Variants in TWIST2 observed in about 807,000 individuals in gnomAD.
TWIST2 encodes the protein twist family bHLH transcription factor 2, also known as twist-related protein 2.
A neutral mutation model predicts 11.6 loss-of-function variants in TWIST2; 1 was observed. The observed-to-expected ratio is 0.09, with a 90% CI of 0.03 to 0.41. The LOEUF (loss-of-function observed/expected upper bound fraction) is 0.41, where lower values mean the gene tolerates loss of function less well. TWIST2 is among the 10% of genes least tolerant of loss of function. TWIST2 has a pLI of 0.98. For missense variants in TWIST2, 168 were observed against 226.4 expected (o/e 0.74, Z 1.66); for synonymous variants, 87 against 96.6 (o/e 0.90, Z 0.58).
At chr2:238,886,575 G>A (rs1329831718) in intron 1 of TWIST2, among the ~76,000 whole-genome samples, 2 of 151,670 alleles carry the variant, frequency 1.3e-5, no homozygotes, top group Non-Finnish European at 2.9e-5. Context: ...CTGGGCTATT[G>A]TCTGGAGCCC....
intron 1 of TWIST2, among the ~76,000 whole-genome samples, chr2:238,896,340 T>C (rs1249674319): frequency 2.0e-5 from 3 of 152,336 alleles, no homozygotes; most frequent in South Asian, 4.1e-4. Flanking sequence ...AACAGGCCAC[T>C]GTCCCCAGGG....
intron 1 of TWIST2, among the ~76,000 whole-genome samples, chr2:238,852,136 A>T (rs902808960): frequency 1.3e-5 from 2 of 152,252 alleles, no homozygotes; most frequent in South Asian, 2.1e-4. Context: ...AAAAAAATTT[A>T]AAAAAAGAAA....
intron 1 of TWIST2, among the ~76,000 whole-genome samples, chr2:238,870,198 ACACAAAC>A (rs1692631960): frequency 1.7e-5 from 1 of 58,712 alleles, no homozygotes; most frequent in Admixed American, 1.9e-4. Context: ...CACATACCAC[ACACAAAC>A]CACACACCCC....
At chr2:238,872,133 G>A (rs1330127347) in intron 1 of TWIST2, among the ~76,000 whole-genome samples, 1 of 152,166 alleles carries the variant, frequency 6.6e-6, no homozygotes, top group African/African-American at 2.4e-5. Context: ...TGGGCTGGGG[G>A]GGTCCCACAG....
At chr2:238,900,843 C>T (rs967404684) in intron 1 of TWIST2, among the ~76,000 whole-genome samples, 5,304 of 152,190 alleles carry the variant, frequency 0.035, 134 homozygotes, top group Non-Finnish European at 0.053. Context: ...TGCCCCTCCT[C>T]TTGTTTTCCT....
intron 1 of TWIST2, among the ~76,000 whole-genome samples, chr2:238,870,581 A>ATG (rs1194820632): frequency 1.3e-5 from 1 of 74,828 alleles, no homozygotes; most frequent in Non-Finnish European, 2.7e-5. Flanking sequence ...CACACCACAC[A>ATG]CACACACCAC....
At chr2:238,897,752 C>T (rs934498570) in intron 1 of TWIST2, among the ~76,000 whole-genome samples, 89 of 152,338 alleles carry the variant, frequency 5.8e-4, no homozygotes, top group South Asian at 4.1e-3. Context: ...GTGGAGGTGG[C>T]CAGCTTCATG....
chr2:238,904,293 G>A (rs1023111470), intron 1 of TWIST2, among the ~76,000 whole-genome samples: 21 of 144,950 alleles, frequency 1.4e-4, no homozygotes, highest in Non-Finnish European at 2.9e-4. Context: ...GTGTGTGTGT[G>A]ATGGGGGTGT....
rs1220543398 is a variant in TWIST2 at position 238,904,981 on chromosome 2, G to GA, written c.*36-4854dup. 6.3e-4 allele frequency among the ~76,000 whole-genome samples: 95 copies of GA among 151,258 alleles called. 1 individual carries two copies. Among genetic ancestry groups the GA allele is most frequent in the Non-Finnish European group, 2.7e-4 (18 of 67,772 alleles). On this transcript the variant is annotated intron_variant, in intron 1 of 1. Transcript: ENST00000612363. ...TGGATGGAAGGAAGGAAGAGAGAAA[G>GA]AAAAAAAGAAGAAAGAAAGAAAAGA... is the stretch of plus-strand genomic sequence containing the variant.
intron 1 of TWIST2, among the ~76,000 whole-genome samples, chr2:238,900,324 T>C (rs879087912): frequency 0.36 from 54,538 of 152,020 alleles, 9,970 homozygotes; most frequent in Middle Eastern, 0.5. Flanking sequence ...TTGGGGTGAC[T>C]GGGGACCCAC....
intron 1 of TWIST2, among the ~76,000 whole-genome samples, chr2:238,885,736 G>A (rs1054148513): frequency 6.6e-6 from 1 of 152,054 alleles, no homozygotes; most frequent in Non-Finnish European, 1.5e-5. Context: ...AGAACCAATG[G>A]GTTTTATACA....
At chr2:238,908,481 C>G (rs1343741217) in intron 1 of TWIST2, among the ~76,000 whole-genome samples, 1 of 152,028 alleles carries the variant, frequency 6.6e-6, no homozygotes, top group Non-Finnish European at 1.5e-5. Flanking sequence ...ACACTACACA[C>G]TATATACCAC....
chr2:238,854,312 C>T (rs2106349016), intron 1 of TWIST2, among the ~76,000 whole-genome samples: 1 of 152,322 alleles, frequency 6.6e-6, no homozygotes, highest in African/African-American at 2.4e-5. Context: ...GCATTAGAGT[C>T]CTAATTCTCA....
chr2:238,894,474 C>T (rs1693184092), intron 1 of TWIST2, among the ~76,000 whole-genome samples: 1 of 152,208 alleles, frequency 6.6e-6, no homozygotes, highest in Non-Finnish European at 1.5e-5. Context: ...TCCATGTGGT[C>T]CTGGCCTCCC....
intron 1 of TWIST2, among the ~76,000 whole-genome samples, chr2:238,869,116 C>T (rs148870440): frequency 0.038 from 5,854 of 152,266 alleles, 135 homozygotes; most frequent in South Asian, 0.083. Flanking sequence ...AGAAAGGCAT[C>T]GACTCCTGCA....
At chr2:238,870,379 ACACC>A (rs1397632920) in intron 1 of TWIST2, among the ~76,000 whole-genome samples, 1 of 87,616 alleles carries the variant, frequency 1.1e-5, no homozygotes, top group African/African-American at 4.4e-5. Context: ...CACACCCCAC[ACACC>A]CCACACACCC....
chr2:238,900,705 G>A (rs1693258769), intron 1 of TWIST2, among the ~76,000 whole-genome samples: 1 of 152,166 alleles, frequency 6.6e-6, no homozygotes, highest in East Asian at 1.9e-4. Flanking sequence ...CATTCTGGGA[G>A]TGTCACTGAG....
intron 1 of TWIST2, among the ~76,000 whole-genome samples, chr2:238,896,286 C>T (rs1227441752): frequency 6.6e-6 from 1 of 152,230 alleles, no homozygotes; most frequent in East Asian, 1.9e-4. Flanking sequence ...TCAAAGCAGA[C>T]AGGGATGCAG....
chr2:238,899,368 G>A (rs926904731), intron 1 of TWIST2, among the ~76,000 whole-genome samples: 2 of 152,274 alleles, frequency 1.3e-5, no homozygotes, highest in African/African-American at 4.8e-5. Context: ...GTTGCCCATA[G>A]ACCAGGCAAG....
Sources: allele counts gnomAD v4.1 joint callset (sites outside exome capture counted in the v4.1 genomes callset), GRCh38; gene constraint gnomAD v4.1.1; transcripts MANE v1.5; gene names NCBI Gene and HGNC (gene_info 2026-07-23, HGNC 2026-07-21).